The following ADCYAP1R1 variants were observed in gnomAD, a reference collection of about 807,000 sequenced individuals.
ADCYAP1R1 encodes the protein pituitary adenylate cyclase-activating polypeptide type I receptor.
ADCYAP1R1 carries 44 observed loss-of-function variants against 67.6 expected under a neutral mutation model. The ratio of observed to expected loss-of-function variants is 0.65; its 90% CI spans 0.51 to 0.84. The LOEUF is 0.84. Ranked by LOEUF, ADCYAP1R1 falls within the 40% of genes least tolerant of loss-of-function variation. The pLI, the probability that ADCYAP1R1 is intolerant of heterozygous loss-of-function variation, is 0.00. For synonymous variants in ADCYAP1R1, 222 were observed against 219.6 expected (o/e 1.01, Z -0.10); for missense variants, 477 against 587.9 (o/e 0.81, Z 1.95).
intron 1 of ADCYAP1R1, among the ~76,000 whole-genome samples, chr7:31,054,138 G>C (rs1419224031): frequency 6.6e-6 from 1 of 152,152 alleles, no homozygotes; most frequent in East Asian, 1.9e-4. Flanking sequence ...GATTGGAGGT[G>C]GAACACGCTG....
intron 1 of ADCYAP1R1, among the ~76,000 whole-genome samples, chr7:31,058,147 G>T (rs949982353): frequency 6.6e-6 from 1 of 152,256 alleles, no homozygotes; most frequent in South Asian, 2.1e-4. Flanking sequence ...AGACGCTGGA[G>T]TGGGGCAAGT....
Position 31,064,834 on chromosome 7 carries a change from C to T in ADCYAP1R1, c.55C>T (p.Pro19Ser). 6.2e-7 allele frequency: 1 copy of T among 1,609,986 alleles called. No individual in the cohort carries two copies. The highest frequency in any genetic ancestry group is 8.5e-7 in the Non-Finnish European group (1 of 1,177,884). The stretch of plus-strand genomic sequence containing the variant: ...TCCATCCTGTGTTCTCCTACAGGCC[C>T]CTGCCATGCATTCTGACTGCATCTT... ...LAALLLLPMA[P>S]AMHSDCIFKK... Residue 19 changes from proline (P) to serine (S), a missense_variant, in exon 3 of 16, where the codon CCT becomes TCT. Physicochemically the swap from Pro to Ser is moderately conservative, Grantham distance 74. Coordinates refer to ENST00000304166, the MANE Select transcript of ADCYAP1R1 (RefSeq NM_001118.5).
chr7:31,097,392 T>G (rs989183982), intron 13 of ADCYAP1R1, among the ~76,000 whole-genome samples: 36 of 152,252 alleles, frequency 2.4e-4, no homozygotes, highest in Non-Finnish European at 1.0e-4. Flanking sequence ...ACATCTTCCT[T>G]TCTCCCACCG....
chr7:31,085,143 G>A (rs1459855062), intron 8 of ADCYAP1R1, among the ~76,000 whole-genome samples, 167 bp from the exon 9 acceptor site: 2 of 152,174 alleles, frequency 1.3e-5, no homozygotes, highest in Non-Finnish European at 2.9e-5. Context: ...GGGTTATAGG[G>A]GCCTGGAAGT....
chr7:31,068,284 G>A (rs1584488083), intron 3 of ADCYAP1R1, among the ~76,000 whole-genome samples: 1 of 152,310 alleles, frequency 6.6e-6, no homozygotes, highest in Admixed American at 6.5e-5. Flanking sequence ...GCTGGGTAGA[G>A]TTTTACCCCC....
intron 3 of ADCYAP1R1, among the ~76,000 whole-genome samples, chr7:31,072,565 C>CGGAG (rs1795035297): frequency 4.6e-5 from 7 of 152,076 alleles, no homozygotes; most frequent in Admixed American, 3.3e-4. Context: ...TCATCTCACC[C>CGGAG]CTAGACTATA....
At chr7:31,064,359 C>T (rs990335438) in intron 2 of ADCYAP1R1, among the ~76,000 whole-genome samples, 2 of 152,328 alleles carry the variant, frequency 1.3e-5, no homozygotes, top group Non-Finnish European at 2.9e-5. Context: ...AGTCAGGCCT[C>T]CTGGGTTCGA....
chr7:31,060,374 C>G (rs1290509390), intron 1 of ADCYAP1R1, among the ~76,000 whole-genome samples: 1 of 152,190 alleles, frequency 6.6e-6, no homozygotes, highest in Non-Finnish European at 1.5e-5. Context: ...TATCTACAGT[C>G]TGATATGTGA....
chr7:31,055,896 C>G (rs1056254133), intron 1 of ADCYAP1R1, among the ~76,000 whole-genome samples: 1 of 152,204 alleles, frequency 6.6e-6, no homozygotes, highest in African/African-American at 2.4e-5. Flanking sequence ...CACCCTCCCC[C>G]AGATTGGCCT....
rs1541518 is a variant in ADCYAP1R1, at chr7:31,108,665, G to T, written c.*1981G>T. Reference sequence around the variant, plus strand: ...TCCAATGCTTCTCTAGGCCCTGCACGTAAGTGATTTTTCCAGTTCAAAGTC... The same window carrying T: ...TCCAATGCTTCTCTAGGCCCTGCACTTAAGTGATTTTTCCAGTTCAAAGTC... On this transcript the variant is annotated 3_prime_UTR_variant, in exon 16 of 16. Coordinates refer to ENST00000304166, the MANE Select transcript of ADCYAP1R1 (RefSeq NM_001118.5). 0.45 allele frequency: 68,493 copies of T among 151,910 alleles called. 18,102 individuals carry two copies. Among genetic ancestry groups the T allele is most frequent in the East Asian group, 0.74 (3,808 of 5,150 alleles). The allele number at this position is 151,910 out of a possible 1,614,324, so 9.4% of individuals were successfully genotyped here. A position where few individuals can be genotyped will look rare whatever the true frequency, so the allele number is the denominator to read the frequency against.
intron 14 of ADCYAP1R1, among the ~76,000 whole-genome samples, chr7:31,103,907 A>T (rs1796538412): frequency 6.6e-6 from 1 of 152,190 alleles, no homozygotes; most frequent in African/African-American, 2.4e-5. Flanking sequence ...AATCACCATG[A>T]GGAAATGAGC....
At chr7:31,064,797 C>T (rs1381556986) in intron 2 of ADCYAP1R1, 34 bp from the exon 3 acceptor site, 1 of 1,559,568 alleles carries the variant, frequency 6.4e-7, no homozygotes, top group Non-Finnish European at 8.8e-7. Flanking sequence ...GGCCTCCTAC[C>T]CGCTCCCACC....
chr7:31,057,560 C>T (rs775035421), intron 1 of ADCYAP1R1, among the ~76,000 whole-genome samples: 1 of 152,260 alleles, frequency 6.6e-6, no homozygotes, highest in African/African-American at 2.4e-5. Context: ...GGTGGCCTGA[C>T]TCCTGTCACC....
chr7:31,092,713 G>A lies in ADCYAP1R1; in HGVS notation c.1024G>A (p.Gly342Ser). 4 of 1,613,038 alleles carry A rather than the reference G, an allele frequency of 2.5e-6. No homozygotes were observed. Among genetic ancestry groups the A allele is most frequent in the Non-Finnish European group, 3.4e-6 (4 of 1,179,780 alleles). The part of the protein sequence containing the change: ...VQKLQSPDMG[G>S]NESSIYLRLA... Reference sequence around the variant, plus strand: ...GAAACTTCAGTCTCCAGACATGGGAGGCAATGAGTCCAGCATCTACTTGTA... The same window carrying A: ...GAAACTTCAGTCTCCAGACATGGGAAGCAATGAGTCCAGCATCTACTTGTA... Residue 342 changes from glycine (G) to serine (S), a missense_variant, in exon 13 of 16, where the codon GGC (glycine) becomes AGC (serine). By Grantham distance (56) the Gly-to-Ser change is moderately conservative. Transcript: ENST00000304166.
intron 13 of ADCYAP1R1, chr7:31,100,307 T>A: frequency 8.6e-7 from 1 of 1,156,564 alleles, no homozygotes. Context: ...AGAGCCAGCC[T>A]CTGCCTCCCA....
rs116764116 is a variant in ADCYAP1R1 at position 31,090,811 on chromosome 7, A to G, written c.955-1833A>G. Among the ~76,000 whole-genome samples, 599 of 152,298 alleles carry G rather than the reference A, an allele frequency of 3.9e-3. 9 individuals carry two copies. Among genetic ancestry groups the G allele is most frequent in the African/African-American group, 0.014 (570 of 41,566 alleles). On this transcript the variant is annotated intron_variant, in intron 12 of 15. Coordinates refer to ENST00000304166, the MANE Select transcript of ADCYAP1R1 (RefSeq NM_001118.5). ...ATACGTGCCACATTTTCTTTATCCAATCCACTATCGATGGGCACCTATGTG... is the reference window on the plus strand; with the variant it reads ...ATACGTGCCACATTTTCTTTATCCAGTCCACTATCGATGGGCACCTATGTG...
intron 6 of ADCYAP1R1, among the ~76,000 whole-genome samples, chr7:31,083,932 C>T (rs925637411): frequency 6.6e-6 from 1 of 152,198 alleles, no homozygotes; most frequent in Admixed American, 6.5e-5. Flanking sequence ...TCAGCTGGCG[C>T]AGTCTCCCCA....
Position 31,054,174 on chromosome 7 carries a change from A to G in ADCYAP1R1, c.-72+1496A>G, listed in dbSNP as rs1794145500. Among the ~76,000 whole-genome samples, 2 of 152,112 alleles carry G rather than the reference A, an allele frequency of 1.3e-5. 1 individual carries two copies. The highest frequency in any genetic ancestry group is 4.1e-4 in the South Asian group (2 of 4,826). ...AGCAGGCCCTGGGCCAGCTCTTCCA[A>G]CTGATCCATCAACAAGTGTGTGTGG... On this transcript the variant is annotated intron_variant, in intron 1 of 15. Coordinates refer to ENST00000304166, the MANE Select transcript of ADCYAP1R1 (RefSeq NM_001118.5).
At position 31,108,708 on chromosome 7, in the gene ADCYAP1R1, A is replaced by G. The variant is rs1584560035; in HGVS notation, c.*2024A>G. ...TCAAAGTCAAGACAGGTAAAAGGGC[A>G]TTCATCATTGTGCCTCATATCAGGT... On this transcript the variant is annotated 3_prime_UTR_variant, in exon 16 of 16. Transcript: ENST00000304166. 1 of 152,152 alleles carries G rather than the reference A, an allele frequency of 6.6e-6. No individual in the cohort carries two copies. The highest frequency in any genetic ancestry group is 1.5e-5 in the Non-Finnish European group (1 of 68,098). 9.4% of individuals were successfully genotyped at this position (152,152 alleles called of 1,614,324 possible).
Sources: allele counts gnomAD v4.1 joint callset (sites outside exome capture counted in the v4.1 genomes callset), GRCh38; gene constraint gnomAD v4.1.1; transcripts MANE v1.5; gene names NCBI Gene and HGNC (gene_info 2026-07-23, HGNC 2026-07-21).